The following RTTN variants were observed in gnomAD, a reference collection of about 807,000 sequenced individuals.
RTTN encodes the protein rotatin.
Under a neutral mutation model 269.2 loss-of-function variants are expected in RTTN, and 182 were observed. The ratio of observed to expected loss-of-function variants is 0.68; its 90% CI spans 0.60 to 0.76. The LOEUF (loss-of-function observed/expected upper bound fraction) is 0.76, where lower values mean the gene tolerates loss of function less well. Among genes scored for constraint, RTTN ranks in the 30% least tolerant of loss-of-function variants. The pLI, the probability that RTTN is intolerant of heterozygous loss-of-function variation, is 0.00. For synonymous variants in RTTN, 1,006 were observed against 963.5 expected (o/e 1.04, Z -0.82); for missense variants, 2,545 against 2,608.6 (o/e 0.98, Z 0.53).
chr18:70,098,616 T>C (rs1480631561), intron 28 of RTTN, among the ~76,000 whole-genome samples: 1 of 152,174 alleles, frequency 6.6e-6, no homozygotes, highest in Admixed American at 6.5e-5. Flanking sequence ...GAACCTTTTT[T>C]AATATTTATA....
chr18:70,143,658 C>G (rs2060316880), intron 18 of RTTN, among the ~76,000 whole-genome samples: 1 of 151,904 alleles, frequency 6.6e-6, no homozygotes, highest in Non-Finnish European at 1.5e-5. Context: ...AGGCTTAGTA[C>G]CAGGGTGACG....
In RTTN at chr18:70,190,665, C is replaced by T; in HGVS notation, c.1062G>A (p.Leu354=). ...CTGGCAGATCTATGTGTCCCATATCCAAAGGTGAATGAACGGATATCCTGG... is the reference window on the plus strand; with the variant it reads ...CTGGCAGATCTATGTGTCCCATATCTAAAGGTGAATGAACGGATATCCTGG... ...VNSRISVHSP[L]DMGHIDLPEL... Residue 354 remains leucine (L), a synonymous_variant, in exon 9 of 49, where the codon TTG becomes TTA. Coordinates refer to ENST00000640769, the MANE Select transcript of RTTN (RefSeq NM_173630.4). 1 of 1,613,332 alleles carries T rather than the reference C, an allele frequency of 6.2e-7. No homozygotes were observed. Among genetic ancestry groups the T allele is most frequent in the Non-Finnish European group, 8.5e-7 (1 of 1,179,392 alleles).
rs111784999 is a variant in RTTN, at chr18:70,035,319, A to T, written c.5542-4338T>A. On this transcript the variant is annotated intron_variant, in intron 40 of 48. Transcript: ENST00000640769. Reference sequence around the variant, plus strand: ...GCTACTTGACTTCAAACTATACTACAGGGCTACAGTAACCAAAGCATGGTA... The same window carrying T: ...GCTACTTGACTTCAAACTATACTACTGGGCTACAGTAACCAAAGCATGGTA... 4.9e-3 allele frequency among the ~76,000 whole-genome samples: 754 copies of T among 152,344 alleles called. 8 individuals are homozygous for T. The highest frequency in any genetic ancestry group is 0.017 in the African/African-American group (707 of 41,564).
intron 2 of RTTN, 127 bp from the exon 3 acceptor site, chr18:70,204,390 C>T: frequency 1.2e-6 from 1 of 858,002 alleles, no homozygotes; most frequent in African/African-American, 1.7e-5. Flanking sequence ...TCCTTCATGG[C>T]TCTGCCCCGA....
chr18:70,176,178 T>C (rs1304238044), intron 11 of RTTN, among the ~76,000 whole-genome samples: 4 of 151,216 alleles, frequency 2.6e-5, no homozygotes, highest in Non-Finnish European at 4.4e-5. Context: ...TATATGTATA[T>C]GTATACGTAG....
At chr18:70,115,463 G>A (rs559030732) in intron 26 of RTTN, among the ~76,000 whole-genome samples, 10 of 151,396 alleles carry the variant, frequency 6.6e-5, no homozygotes, top group Non-Finnish European at 1.2e-4. Context: ...TTAATCAGAA[G>A]CATTAATAGA....
Position 70,166,979 on chromosome 18 carries a change from C to T in RTTN, c.1742G>A (p.Ser581Asn). The change falls in exon 13 of 49, where the codon AGC becomes AAC. Residue 581 changes from serine (S) to asparagine (N), a missense_variant. Coordinates refer to ENST00000640769, the MANE Select transcript of RTTN (RefSeq NM_173630.4). Reference sequence around the variant, plus strand: ...CGGGAAATGCTGATGATAGGAAAAGCTACGCAAGGCTTGGTCTGCCAGCTC... The same window carrying T: ...CGGGAAATGCTGATGATAGGAAAAGTTACGCAAGGCTTGGTCTGCCAGCTC... ...LVELADQALR[S>N]FSYHQHFPLI... The T allele has an allele frequency of 6.2e-7, 1 of 1,613,836 alleles. No individual in the cohort carries two copies. The highest frequency in any genetic ancestry group is 1.3e-5 in the African/African-American group (1 of 75,034).
intron 9 of RTTN, among the ~76,000 whole-genome samples, chr18:70,189,383 A>G (rs1026502097): frequency 6.6e-6 from 1 of 152,216 alleles, no homozygotes; most frequent in Non-Finnish European, 1.5e-5. Context: ...AAAAATAGAC[A>G]TGGGACTTAA....
At chr18:70,168,113 C>CAAA (rs757499939) in intron 12 of RTTN, among the ~76,000 whole-genome samples, 100,260 of 139,180 alleles carry the variant, frequency 0.72, 41,180 homozygotes, top group East Asian at 0.99. Flanking sequence ...AGAAGGCTGT[C>CAAA]AAAAAAAAAA....
intron 43 of RTTN, among the ~76,000 whole-genome samples, chr18:70,028,432 A>C (rs1292168751): frequency 6.6e-6 from 1 of 152,234 alleles, no homozygotes; most frequent in Non-Finnish European, 1.5e-5. Context: ...GTTTTGAAAG[A>C]ATCTACCTTA....
chr18:70,017,825 T>C, intron 45 of RTTN, 151 bp from the exon 46 acceptor site: 1 of 667,692 alleles, frequency 1.5e-6, no homozygotes, highest in Non-Finnish European at 2.5e-6. Flanking sequence ...ATCTATATTA[T>C]TTCCAAGCAT....
intron 40 of RTTN, among the ~76,000 whole-genome samples, chr18:70,040,571 AAAGAAAAT>A (rs1324872208): frequency 6.6e-6 from 1 of 152,212 alleles, no homozygotes; most frequent in Non-Finnish European, 1.5e-5. Flanking sequence ...GATCTTCCAG[AAAGAAAAT>A]CACCAAAGAA....
At position 70,148,931 on chromosome 18, in the gene RTTN, A is replaced by G; in HGVS notation, c.2279T>C (p.Met760Thr). 2 of 1,613,596 alleles carry G rather than the reference A, an allele frequency of 1.2e-6. No homozygotes were observed. The highest frequency in any genetic ancestry group is 1.7e-6 in the Non-Finnish European group (2 of 1,179,604). Residue 760 changes from methionine (M) to threonine (T), a missense_variant, in exon 17 of 49, where the codon ATG (methionine) becomes ACG (threonine). Met to Thr is a moderately conservative substitution (Grantham distance 81). Transcript: ENST00000640769. ...MLPCTTRLKS[M>T]LRLLLVKKPS... is the part of the protein sequence containing the mutation. ...CTTTTTCACTAGCAAAAGTCGCAGC[A>G]TGGACTTTAATCGGGTAGTACACGG... is the stretch of plus-strand genomic sequence containing the variant.
intron 11 of RTTN, among the ~76,000 whole-genome samples, chr18:70,176,193 A>ATAT (rs1491137172): frequency 9.2e-5 from 13 of 142,068 alleles, no homozygotes; most frequent in Non-Finnish European, 4.5e-5. Flanking sequence ...ACGTAGATGT[A>ATAT]GATGTAGATG....
chr18:70,135,313 T>C lies in RTTN; in HGVS notation c.2789-33A>G, dbSNP rs369480695. On this transcript the variant is annotated intron_variant, in intron 21 of 48. Coordinates refer to ENST00000640769, the MANE Select transcript of RTTN (RefSeq NM_173630.4). ...AAAAGAAGCACAACTTTATGAAATA[T>C]TTGTACGTCTAGAAAGAATGAACTT... 36 of 1,216,048 alleles carry C rather than the reference T, an allele frequency of 3.0e-5. No homozygotes were observed. In the African/African-American group the frequency reaches 5.6e-4, roughly 19 times the overall value. 75.3% of individuals were successfully genotyped at this position (1,216,048 alleles called of 1,614,324 possible). A position where few individuals can be genotyped will look rare whatever the true frequency, so the allele number is the denominator to read the frequency against.
At chr18:70,040,143 G>C (rs2057297482) in intron 40 of RTTN, among the ~76,000 whole-genome samples, 1 of 152,142 alleles carries the variant, frequency 6.6e-6, no homozygotes, top group African/African-American at 2.4e-5. Flanking sequence ...AATGTAAATG[G>C]ACTATGGACT....
chr18:70,112,367 G>A (rs1246574781), intron 27 of RTTN, among the ~76,000 whole-genome samples: 1 of 147,650 alleles, frequency 6.8e-6, no homozygotes, highest in Non-Finnish European at 1.5e-5. Context: ...TGGCAAATTG[G>A]ATAAAGAGTC....
chr18:70,147,110 T>A (rs2060413542), intron 17 of RTTN, among the ~76,000 whole-genome samples: 1 of 152,226 alleles, frequency 6.6e-6, no homozygotes, highest in Non-Finnish European at 1.5e-5. Flanking sequence ...CTCTGGTATA[T>A]ACATTTAGCA....
intron 19 of RTTN, among the ~76,000 whole-genome samples, chr18:70,140,888 A>T (rs1264990473): frequency 6.6e-6 from 1 of 152,128 alleles, no homozygotes; most frequent in Non-Finnish European, 1.5e-5. Flanking sequence ...TTGCAGACAA[A>T]TTTTCTCCTA....
Sources: allele counts gnomAD v4.1 joint callset (sites outside exome capture counted in the v4.1 genomes callset), GRCh38; gene constraint gnomAD v4.1.1; transcripts MANE v1.5; gene names NCBI Gene and HGNC (gene_info 2026-07-23, HGNC 2026-07-21).